THSD4: variants seen among roughly 807,000 people sequenced by gnomAD.
THSD4 encodes the protein thrombospondin type 1 domain containing 4.
In THSD4, 69 loss-of-function variants were observed where a neutral mutation model predicts 119.0. The ratio of observed to expected loss-of-function variants is 0.58; its 90% CI spans 0.48 to 0.71. The LOEUF (loss-of-function observed/expected upper bound fraction) is 0.71, where lower values mean the gene tolerates loss of function less well. THSD4 is among the 30% of genes least tolerant of loss of function. The pLI, the probability that THSD4 is intolerant of heterozygous loss-of-function variation, is 0.00. For synonymous variants in THSD4, 524 were observed against 540.4 expected (o/e 0.97, Z 0.42); for missense variants, 1,393 against 1,391.1 (o/e 1.00, Z -0.02).
At chr15:71,319,145 A>G (rs1200438897) in intron 6 of THSD4, among the ~76,000 whole-genome samples, 1 of 152,146 alleles carries the variant, frequency 6.6e-6, no homozygotes, top group African/African-American at 2.4e-5. Context: ...GCCTGTTTCA[A>G]GCACACCATA....
At chr15:71,717,667 A>C (rs2052635868) in intron 8 of THSD4, among the ~76,000 whole-genome samples, 1 of 152,008 alleles carries the variant, frequency 6.6e-6, no homozygotes, top group African/African-American at 2.4e-5. Flanking sequence ...CACTAAGATT[A>C]GGGATGAGAG....
At chr15:71,186,967 T>C (rs2043612126) in intron 3 of THSD4, 1 of 152,346 alleles carries the variant, frequency 6.6e-6, no homozygotes, top group East Asian at 1.9e-4. Flanking sequence ...CTTCATGCAA[T>C]TTTAGTTTGC....
At chr15:71,209,475 C>T (rs1195409135) in intron 3 of THSD4, among the ~76,000 whole-genome samples, 1 of 152,184 alleles carries the variant, frequency 6.6e-6, no homozygotes, top group Non-Finnish European at 1.5e-5. Context: ...TGCTCTTCCA[C>T]TGGGCTTCTT....
chr15:71,206,533 C>G (rs1420509335), intron 3 of THSD4, among the ~76,000 whole-genome samples: 1 of 152,184 alleles, frequency 6.6e-6, no homozygotes, highest in Non-Finnish European at 1.5e-5. Context: ...TTTTTCCAGT[C>G]TCTCTTAGAA....
chr15:71,356,007 A>C (rs1204624490), intron 6 of THSD4, among the ~76,000 whole-genome samples: 7 of 151,938 alleles, frequency 4.6e-5, no homozygotes, highest in Non-Finnish European at 1.0e-4. Flanking sequence ...AGCTGGGACT[A>C]CAGGCGTGCG....
intron 8 of THSD4, among the ~76,000 whole-genome samples, chr15:71,723,009 T>C (rs1406518521): frequency 6.6e-6 from 1 of 152,130 alleles, no homozygotes; most frequent in Non-Finnish European, 1.5e-5. Context: ...TGGTATTCCA[T>C]TGTGTGGATG....
At chr15:71,497,498 G>C (rs2048038986) in intron 7 of THSD4, among the ~76,000 whole-genome samples, 1 of 146,426 alleles carries the variant, frequency 6.8e-6, no homozygotes, top group South Asian at 2.3e-4. Context: ...GGGTGATAGA[G>C]CGAGACTCCA....
At chr15:71,650,251 A>G (rs1219446278) in intron 7 of THSD4, among the ~76,000 whole-genome samples, 1 of 152,170 alleles carries the variant, frequency 6.6e-6, no homozygotes, top group Non-Finnish European at 1.5e-5. Flanking sequence ...AGACCATATG[A>G]CTGCAATGCC....
At chr15:71,195,142 G>A (rs2043708472) in intron 3 of THSD4, among the ~76,000 whole-genome samples, 1 of 152,178 alleles carries the variant, frequency 6.6e-6, no homozygotes, top group Non-Finnish European at 1.5e-5. Context: ...GTTTGGGAAG[G>A]TACGTAACTG....
At chr15:71,768,282 A>AAAAAACAAAAC (rs2053750608) in intron 16 of THSD4, among the ~76,000 whole-genome samples, 1 of 151,962 alleles carries the variant, frequency 6.6e-6, no homozygotes, top group Admixed American at 6.6e-5. Flanking sequence ...AAAACCAAAA[A>AAAAAACAAAAC]AAAACCCTGC....
At chr15:71,348,603 C>A (rs544064932) in intron 6 of THSD4, 1 of 152,352 alleles carries the variant, frequency 6.6e-6, no homozygotes, top group African/African-American at 2.4e-5. Context: ...CCCGATTGAG[C>A]TAAAGAAGGG....
At chr15:71,303,065 T>TGCTTTCCTACCCAGGAGGATAA (rs564094627) in intron 6 of THSD4, among the ~76,000 whole-genome samples, 4 of 152,026 alleles carry the variant, frequency 2.6e-5, no homozygotes, top group East Asian at 1.9e-4. Flanking sequence ...CTCCTCACCA[T>TGCTTTCCTACCCAGGAGGATAA]GCTTTCCTAC....
intron 17 of THSD4, among the ~76,000 whole-genome samples, chr15:71,776,168 G>A (rs536351491): frequency 2.4e-3 from 368 of 152,082 alleles, no homozygotes; most frequent in Admixed American, 4.6e-3. Flanking sequence ...AGTACAGAAG[G>A]GTTTTTTAAA....
At chr15:71,776,100 TGAAAA>T (rs1488528661) in intron 17 of THSD4, among the ~76,000 whole-genome samples, 2 of 152,220 alleles carry the variant, frequency 1.3e-5, no homozygotes, top group Non-Finnish European at 2.9e-5. Flanking sequence ...CAAAAGAATG[TGAAAA>T]GAACATTTTA....
intron 1 of THSD4, among the ~76,000 whole-genome samples, chr15:71,108,502 A>G (rs559983680): frequency 6.6e-6 from 1 of 152,346 alleles, no homozygotes; most frequent in African/African-American, 2.4e-5. Context: ...AGTAGTTTCC[A>G]TGGCTATTTC....
At chr15:71,258,725 C>G (rs1479257268) in intron 6 of THSD4, among the ~76,000 whole-genome samples, 1 of 152,126 alleles carries the variant, frequency 6.6e-6, no homozygotes, top group Non-Finnish European at 1.5e-5. Context: ...ACCCACCACC[C>G]AAATTGGTAT....
chr15:71,141,686 C>A, intron 2 of THSD4, 130 bp downstream of exon 2: 1 of 1,086,026 alleles, frequency 9.2e-7, no homozygotes, highest in Non-Finnish European at 1.3e-6. Context: ...TATAATACGT[C>A]CACTTGTGTA....
At chr15:71,536,787 T>G (rs2048693963) in intron 7 of THSD4, among the ~76,000 whole-genome samples, 1 of 152,184 alleles carries the variant, frequency 6.6e-6, no homozygotes, top group African/African-American at 2.4e-5. Flanking sequence ...TTGATGTGTT[T>G]TGAGTTAATT....
intron 6 of THSD4, among the ~76,000 whole-genome samples, chr15:71,401,763 A>G (rs555982200): frequency 4.3e-4 from 66 of 152,350 alleles, no homozygotes; most frequent in Admixed American, 2.2e-3. Context: ...TACATACCCA[A>G]AGGATTATAA....
Sources: allele counts gnomAD v4.1 joint callset (sites outside exome capture counted in the v4.1 genomes callset), GRCh38; gene constraint gnomAD v4.1.1; transcripts MANE v1.5; gene names NCBI Gene and HGNC (gene_info 2026-07-23, HGNC 2026-07-21).